Variants in PTPRD observed in about 807,000 individuals in gnomAD.
PTPRD encodes protein tyrosine phosphatase receptor type D.
In PTPRD, 34 loss-of-function variants were observed where a neutral mutation model predicts 214.5. That is an observed-to-expected ratio of 0.16 (90% CI 0.12 to 0.21). The LOEUF is 0.21. PTPRD is among the 10% of genes least tolerant of loss of function. The pLI is 1.00. For synonymous variants in PTPRD, 1,128 were observed against 845.7 expected (o/e 1.33, Z -5.79); for missense variants, 2,545 against 2,398.7 (o/e 1.06, Z -1.27).
chr9:8,623,850 T>G (rs2095904560), intron 14 of PTPRD, among the ~76,000 whole-genome samples: 1 of 151,898 alleles, frequency 6.6e-6, no homozygotes, highest in Admixed American at 6.6e-5. Flanking sequence ...CTACACCTTC[T>G]ATCACTTCCT....
In PTPRD at chr9:8,341,734, C is replaced by T. The variant is rs1852673710; in HGVS notation, c.4906G>A (p.Glu1636Lys). 1.2e-6 allele frequency: 2 copies of T among 1,613,528 alleles called. No homozygotes were observed. The highest frequency in any genetic ancestry group is 1.7e-6 in the Non-Finnish European group (2 of 1,179,672). ...YAYIQKLTQI[E>K]TGENVTGMEL... is the part of the protein sequence containing the mutation. ...ATTCCTGTGACATTCTCTCCCGTTT[C>T]TATTTGTGTCAGCTTCTGAATGTAG... is the stretch of plus-strand genomic sequence containing the variant. Residue 1636 changes from glutamate to lysine, a missense_variant, in exon 40 of 46, where the codon GAA becomes AAA. Coordinates refer to ENST00000381196, the MANE Select transcript of PTPRD (RefSeq NM_002839.4).
intron 4 of PTPRD, among the ~76,000 whole-genome samples, chr9:10,006,810 A>T (rs1034584688): frequency 6.6e-6 from 1 of 151,936 alleles, no homozygotes; most frequent in African/African-American, 2.4e-5. Context: ...TATTCTATTG[A>T]CAACTTTCTT....
intron 6 of PTPRD, among the ~76,000 whole-genome samples, chr9:9,735,050 G>A (rs1488296415): frequency 1.3e-5 from 2 of 152,030 alleles, no homozygotes; most frequent in African/African-American, 2.4e-5. Context: ...GTAAAACCAT[G>A]AAAGATATTA....
intron 8 of PTPRD, among the ~76,000 whole-genome samples, chr9:9,554,011 T>C (rs2080940342): frequency 1.3e-5 from 2 of 152,042 alleles, no homozygotes; most frequent in African/African-American, 2.4e-5. Flanking sequence ...GATGGGAACA[T>C]GACATCTGAG....
At chr9:8,778,340 C>G (rs1306540759) in intron 11 of PTPRD, among the ~76,000 whole-genome samples, 1 of 152,098 alleles carries the variant, frequency 6.6e-6, no homozygotes, top group East Asian at 1.9e-4. Context: ...TTCCTTTCTT[C>G]TTTGATTTAT....
rs549943416 is a variant in PTPRD, at chr9:8,629,589, G to A, written c.352+3728C>T. On this transcript the variant is annotated intron_variant, in intron 14 of 45. Transcript: ENST00000381196. Reference sequence around the variant, plus strand: ...TAGTAGCATTCCACAATTAGTTAAGGCACAGTCCTTAGTAGCCTCAGTACA... The same window carrying A: ...TAGTAGCATTCCACAATTAGTTAAGACACAGTCCTTAGTAGCCTCAGTACA... 4.5e-4 allele frequency among the ~76,000 whole-genome samples: 69 copies of A among 151,818 alleles called. 1 individual carries two copies. The South Asian group carries it at 0.012, about 27-fold the overall frequency.
chr9:9,348,204 T>C (rs1569567587), intron 9 of PTPRD, among the ~76,000 whole-genome samples: 1 of 152,166 alleles, frequency 6.6e-6, no homozygotes, highest in Non-Finnish European at 1.5e-5. Context: ...TTTATATAGG[T>C]GAGAACAAAT....
intron 8 of PTPRD, among the ~76,000 whole-genome samples, chr9:9,419,250 T>C (rs1448791470): frequency 1.2e-5 from 1 of 83,692 alleles, no homozygotes; most frequent in Non-Finnish European, 2.6e-5. Context: ...ATGAAGACAG[T>C]CTCATTGTAA....
intron 11 of PTPRD, chr9:8,860,434 A>G (rs2098080629): frequency 6.6e-6 from 1 of 152,226 alleles, no homozygotes; most frequent in Non-Finnish European, 1.5e-5. Context: ...ACTACAACCA[A>G]ACATCAAACA....
intron 9 of PTPRD, among the ~76,000 whole-genome samples, chr9:9,336,127 A>G (rs1175646610): frequency 3.3e-5 from 5 of 151,124 alleles, no homozygotes; most frequent in Admixed American, 1.3e-4. Flanking sequence ...GGAGAAATGC[A>G]AAGATATAAG....
At chr9:8,693,208 T>C (rs902118819) in intron 12 of PTPRD, among the ~76,000 whole-genome samples, 1 of 152,178 alleles carries the variant, frequency 6.6e-6, no homozygotes, top group South Asian at 2.1e-4. Context: ...CTCCCACCTA[T>C]ACTTTTCAAG....
chr9:10,287,080 T>C (rs1596205546), intron 3 of PTPRD, among the ~76,000 whole-genome samples: 1 of 152,112 alleles, frequency 6.6e-6, no homozygotes, highest in Non-Finnish European at 1.5e-5. Context: ...AAAAAAGATG[T>C]TTTACTCAGG....
chr9:9,593,864 T>G (rs945707490), intron 7 of PTPRD, among the ~76,000 whole-genome samples: 8 of 151,890 alleles, frequency 5.3e-5, no homozygotes, highest in African/African-American at 2.4e-5. Context: ...GCAGAAGGAG[T>G]GACACCCCTC....
intron 4 of PTPRD, among the ~76,000 whole-genome samples, chr9:9,989,354 C>G (rs558292087): frequency 3.9e-5 from 6 of 152,108 alleles, no homozygotes; most frequent in African/African-American, 1.4e-4. Context: ...CATTCTGTAC[C>G]CATAAAAACC....
At chr9:8,786,760 G>A (rs146521878) in intron 11 of PTPRD, among the ~76,000 whole-genome samples, 2 of 151,304 alleles carry the variant, frequency 1.3e-5, no homozygotes, top group African/African-American at 4.9e-5. Context: ...AAAAAAAGGT[G>A]GGGGGGCGGG....
chr9:10,156,116 G>A (rs1269141057), intron 3 of PTPRD, among the ~76,000 whole-genome samples: 3 of 147,308 alleles, frequency 2.0e-5, no homozygotes, highest in African/African-American at 7.8e-5. Context: ...GTGTGTGTGT[G>A]TGTGTGTGCC....
intron 11 of PTPRD, among the ~76,000 whole-genome samples, chr9:8,770,603 C>T (rs921182277): frequency 6.6e-6 from 1 of 152,144 alleles, no homozygotes; most frequent in Non-Finnish European, 1.5e-5. Context: ...TCTTACACTT[C>T]AGACCAAACT....
chr9:10,010,178 A>G (rs1378533653), intron 4 of PTPRD, among the ~76,000 whole-genome samples: 1 of 151,870 alleles, frequency 6.6e-6, no homozygotes, highest in Non-Finnish European at 1.5e-5. Flanking sequence ...GTCCATGTTC[A>G]CCCAACTAGA....
chr9:8,694,197 A>C (rs974581018), intron 12 of PTPRD, among the ~76,000 whole-genome samples: 12 of 152,294 alleles, frequency 7.9e-5, no homozygotes, highest in African/African-American at 2.4e-4. Context: ...GAATGAAATA[A>C]ATAATTTTCT....
Sources: gnomAD v4.1 joint callset for allele counts (sites outside exome capture counted in the v4.1 genomes callset) on GRCh38, gnomAD v4.1.1 for gene constraint, MANE v1.5 for transcripts, NCBI Gene and HGNC (gene_info 2026-07-23, HGNC 2026-07-21) for gene names.